The following C9 variants were observed in gnomAD, a reference collection of about 807,000 sequenced individuals.
The protein encoded by C9 is complement C9, also known as complement component C9.
In C9, 63 loss-of-function variants were observed where a neutral mutation model predicts 65.4. The observed-to-expected ratio is 0.96, with a 90% confidence interval of 0.79 to 1.19. The LOEUF is 1.19. Ranked by LOEUF, C9 falls within the 50% of genes most tolerant of loss-of-function variation. The pLI, the probability that C9 is intolerant of heterozygous loss-of-function variation, is 0.00. For synonymous variants in C9, 229 were observed against 227.9 expected, an observed-to-expected ratio of 1.00 and a Z score of -0.04; for missense variants, 744 against 670.1, an observed-to-expected ratio of 1.11 and a Z score of -1.22.
At chr5:39,287,207 T>C (rs1753004768) in intron 10 of C9, among the ~76,000 whole-genome samples, 1 of 151,992 alleles carries the variant, frequency 6.6e-6, no homozygotes, top group Admixed American at 6.6e-5. Flanking sequence ...GTCCTATTTG[T>C]CTATTTTTGT....
rs1422710984 is a variant in C9, at chr5:39,285,098, G to A, written c.*101C>T. ...CAGAGGTTGGTAGGATTTTCATGAA[G>A]CATGTTGCTATTTACTTGGCAGCTA... On this transcript the variant is annotated 3_prime_UTR_variant, in exon 11 of 11. Transcript: ENST00000263408. 1.1e-6 allele frequency: 1 copy of A among 946,682 alleles called. No homozygotes were observed. The highest frequency in any genetic ancestry group is 1.3e-5 in the South Asian group (1 of 77,132). The allele number at this position is 946,682 out of a possible 1,614,324, so 58.6% of individuals were successfully genotyped here. A position where few individuals can be genotyped will look rare whatever the true frequency, so the allele number is the denominator to read the frequency against.
intron 1 of C9, among the ~76,000 whole-genome samples, chr5:39,361,142 A>G (rs1754509869): frequency 6.6e-6 from 1 of 152,076 alleles, no homozygotes; most frequent in Non-Finnish European, 1.5e-5. Flanking sequence ...AAAAGAAAGT[A>G]AAAAATAGTA....
chr5:39,351,076 G>T (rs1754313698), intron 1 of C9, among the ~76,000 whole-genome samples: 1 of 152,100 alleles, frequency 6.6e-6, no homozygotes, highest in Admixed American at 6.5e-5. Context: ...GCACCTGCAG[G>T]CCCAACACCA....
At chr5:39,350,667 T>C (rs1229610977) in intron 1 of C9, among the ~76,000 whole-genome samples, 2 of 152,046 alleles carry the variant, frequency 1.3e-5, no homozygotes, top group Non-Finnish European at 2.9e-5. Context: ...ATCTTAAAGC[T>C]CCAAAATGAT....
intron 6 of C9, among the ~76,000 whole-genome samples, chr5:39,312,490 T>C (rs1753503108): frequency 6.6e-6 from 1 of 152,184 alleles, no homozygotes; most frequent in African/African-American, 2.4e-5. Flanking sequence ...CCTTGTCCCT[T>C]TCAGTCCACC....
At chr5:39,317,904 T>C (rs952590207) in intron 5 of C9, among the ~76,000 whole-genome samples, 7 of 152,112 alleles carry the variant, frequency 4.6e-5, no homozygotes, top group Admixed American at 3.3e-4. Context: ...GGTAGTTTAA[T>C]GGTAATAGCA....
chr5:39,305,823 C>T, intron 9 of C9, among the ~76,000 whole-genome samples: 1 of 151,962 alleles, frequency 6.6e-6, no homozygotes, highest in East Asian at 1.9e-4. Context: ...GAATTGTTCA[C>T]CGTTAGTCTT....
At chr5:39,342,647 G>A (rs1220126557) in intron 1 of C9, among the ~76,000 whole-genome samples, 1 of 151,936 alleles carries the variant, frequency 6.6e-6, no homozygotes. Context: ...GCAAATTTAA[G>A]CCAGCCAGCC....
chr5:39,332,210 G>A (rs572953551), intron 4 of C9, among the ~76,000 whole-genome samples: 1 of 152,076 alleles, frequency 6.6e-6, no homozygotes, highest in African/African-American at 2.4e-5. Flanking sequence ...CATCTCAGGG[G>A]GCCAATATAA....
At chr5:39,288,071 A>C (rs1162498285) in intron 10 of C9, among the ~76,000 whole-genome samples, 1 of 152,010 alleles carries the variant, frequency 6.6e-6, no homozygotes, top group African/African-American at 2.4e-5. Flanking sequence ...TACAGTTAAA[A>C]ATGCAAAATA....
chr5:39,292,902 A>G (rs576485613), intron 9 of C9, among the ~76,000 whole-genome samples: 5 of 107,450 alleles, frequency 4.7e-5, no homozygotes, highest in Admixed American at 4.5e-4. Flanking sequence ...CATGAGTAAT[A>G]TATCAATACT....
At chr5:39,331,538 A>G in intron 5 of C9, 138 bp downstream of exon 5, 1 of 768,978 alleles carries the variant, frequency 1.3e-6, no homozygotes, top group Non-Finnish European at 2.3e-6. Context: ...GATCCAAACT[A>G]CATCGCCTCT....
intron 1 of C9, among the ~76,000 whole-genome samples, chr5:39,349,452 C>T (rs543383316): frequency 1.3e-5 from 2 of 152,332 alleles, no homozygotes; most frequent in Admixed American, 1.3e-4. Context: ...CACAATAACA[C>T]TTCTTAGAAT....
chr5:39,354,082 G>A (rs894464983), intron 1 of C9, among the ~76,000 whole-genome samples: 3 of 152,160 alleles, frequency 2.0e-5, no homozygotes, highest in East Asian at 3.9e-4. Context: ...GAGGTGTGAT[G>A]AGCTTCATCT....
rs1488523995 is a variant in C9, at chr5:39,334,509, C to T, written c.477-2695G>A. Reference sequence around the variant, plus strand: ...GTCTCTGCCAGGCAGCCACCCCGTCCGGGAGGGAGGTGGGGGTCAGCCCCC... The same window carrying T: ...GTCTCTGCCAGGCAGCCACCCCGTCTGGGAGGGAGGTGGGGGTCAGCCCCC... On this transcript the variant is annotated intron_variant, in intron 4 of 10. Coordinates refer to ENST00000263408, the MANE Select transcript of C9 (RefSeq NM_001737.5). Among the ~76,000 whole-genome samples the T allele has an allele frequency of 3.1e-4, 41 of 132,934 alleles. 2 individuals carry two copies. Among genetic ancestry groups the T allele is most frequent in the Admixed American group, 2.3e-3 (33 of 14,500 alleles). 87.2% of individuals were successfully genotyped at this position (132,934 alleles called of 152,430 possible).
intron 6 of C9, among the ~76,000 whole-genome samples, chr5:39,312,129 A>G (rs922350608): frequency 1.3e-5 from 2 of 152,154 alleles, no homozygotes; most frequent in African/African-American, 2.4e-5. Flanking sequence ...CTTTAACTCA[A>G]TGTATTTTAA....
chr5:39,331,519 T>C (rs1035647779), intron 5 of C9, among the ~76,000 whole-genome samples, 157 bp downstream of exon 5: 3 of 152,214 alleles, frequency 2.0e-5, no homozygotes, highest in African/African-American at 7.2e-5. Flanking sequence ...AATTGTATGT[T>C]TCTAAAGAGA....
chr5:39,338,989 AT>A (rs60101688), intron 4 of C9, among the ~76,000 whole-genome samples: 196 of 152,356 alleles, frequency 1.3e-3, no homozygotes, highest in African/African-American at 4.4e-3. Flanking sequence ...TAAATAACAT[AT>A]GTTAAGCTGT....
chr5:39,355,363 C>T (rs769137295), intron 1 of C9, among the ~76,000 whole-genome samples: 6 of 152,216 alleles, frequency 3.9e-5, no homozygotes, highest in Non-Finnish European at 8.8e-5. Flanking sequence ...TACCTCTAGA[C>T]AGTTCTCTAA....
Sources: gnomAD v4.1 joint callset for allele counts (sites outside exome capture counted in the v4.1 genomes callset) on GRCh38, gnomAD v4.1.1 for gene constraint, MANE v1.5 for transcripts, NCBI Gene and HGNC (gene_info 2026-07-23, HGNC 2026-07-21) for gene names.